Variants in PCDH11X observed in about 807,000 individuals in gnomAD.
PCDH11X encodes the protein protocadherin-11 X-linked.
A neutral mutation model predicts 53.3 loss-of-function variants in PCDH11X; 18 were observed. The observed-to-expected ratio is 0.34, with a 90% CI of 0.23 to 0.50. PCDH11X has a LOEUF of 0.50. Among genes scored for constraint, PCDH11X ranks in the 20% least tolerant of loss-of-function variants. The pLI is 0.98. For missense variants in PCDH11X, 570 were observed against 1,032.4 expected (o/e 0.55, Z 6.14); for synonymous variants, 279 against 393.3 (o/e 0.71, Z 3.44).
intron 8 of PCDH11X, among the ~76,000 whole-genome samples, chrX:92,384,540 C>T (rs1419569112): frequency 9.7e-6 from 1 of 102,621 alleles, no homozygotes; most frequent in Non-Finnish European, 2.0e-5. Flanking sequence ...AATAAGTCTC[C>T]CTGAGCATTT....
At chrX:92,048,628 T>C (rs1407548316) in intron 6 of PCDH11X, among the ~76,000 whole-genome samples, 2 of 111,850 alleles carry the variant, frequency 1.8e-5, no homozygotes, top group African/African-American at 3.3e-5. Flanking sequence ...CACTCTTTGG[T>C]TGAAAGTGCT....
intron 6 of PCDH11X, among the ~76,000 whole-genome samples, chrX:92,124,281 T>C (rs2064822766): frequency 9.0e-6 from 1 of 110,852 alleles, no homozygotes; most frequent in Non-Finnish European, 1.9e-5. Context: ...GTGTGGTGGC[T>C]CACACTTGCA....
chrX:91,817,361 T>C (rs1416178993), intron 4 of PCDH11X, among the ~76,000 whole-genome samples: 1 of 101,606 alleles, frequency 9.8e-6, no homozygotes, highest in Non-Finnish European at 2.0e-5. Flanking sequence ...AAATTTAGAA[T>C]CATAAAATAC....
At chrX:92,462,471 G>A (rs895052242) in intron 9 of PCDH11X, among the ~76,000 whole-genome samples, 2 of 111,178 alleles carry the variant, frequency 1.8e-5, no homozygotes, top group African/African-American at 6.5e-5. Context: ...AACAGATTGA[G>A]TATTAAAAGG....
intron 1 of PCDH11X, among the ~76,000 whole-genome samples, chrX:91,789,093 T>C (rs1384577976): frequency 9.6e-6 from 1 of 103,827 alleles, no homozygotes; most frequent in African/African-American, 3.5e-5. Flanking sequence ...TCCCAGCTAC[T>C]CGGGAGGCTG....
intron 10 of PCDH11X, among the ~76,000 whole-genome samples, chrX:92,579,715 A>G (rs983273837): frequency 1.8e-5 from 2 of 111,595 alleles, no homozygotes; most frequent in African/African-American, 6.5e-5. Context: ...AAATTTCATT[A>G]TTACCTACCT....
chrX:92,371,267 T>A, intron 8 of PCDH11X, among the ~76,000 whole-genome samples: 1 of 103,688 alleles, frequency 9.6e-6, no homozygotes, highest in Middle Eastern at 4.8e-3. Context: ...TTATATTTTT[T>A]AAAAACTCTC....
At chrX:92,127,004 T>C (rs1242711378) in intron 6 of PCDH11X, among the ~76,000 whole-genome samples, 6 of 107,880 alleles carry the variant, frequency 5.6e-5, no homozygotes, top group Non-Finnish European at 1.1e-4. Context: ...TAATCTTTCT[T>C]AATGAGCATA....
chrX:92,540,883 G>T (rs1018612476), intron 10 of PCDH11X, among the ~76,000 whole-genome samples: 1 of 107,871 alleles, frequency 9.3e-6, no homozygotes, highest in African/African-American at 3.4e-5. Context: ...CAACTCTGCC[G>T]GTGCCCTCTA....
At chrX:91,781,367 C>A (rs946663843) in intron 1 of PCDH11X, among the ~76,000 whole-genome samples, 2 of 111,214 alleles carry the variant, frequency 1.8e-5, no homozygotes, top group African/African-American at 6.5e-5. Context: ...GTCGCCTGTG[C>A]GCTCTTAGCG....
chrX:92,008,713 A>ATCT (rs1425851119), intron 6 of PCDH11X, among the ~76,000 whole-genome samples: 1 of 108,179 alleles, frequency 9.2e-6, no homozygotes, highest in Admixed American at 1.0e-4. Context: ...CTATTCTGTC[A>ATCT]TCTTGCCCTG....
intron 9 of PCDH11X, among the ~76,000 whole-genome samples, chrX:92,422,134 C>CT (rs67131959): frequency 0.038 from 3,287 of 86,276 alleles, 146 homozygotes; most frequent in African/African-American, 0.12. Context: ...AATTTCTTTT[C>CT]TTTTTTTTTT....
intron 6 of PCDH11X, among the ~76,000 whole-genome samples, chrX:92,006,114 G>T (rs752606121): frequency 8.2e-5 from 9 of 109,138 alleles, no homozygotes; most frequent in African/African-American, 2.7e-4. Flanking sequence ...CTTTATGTTC[G>T]ATTTCTTTCT....
rs780635189 is a variant in PCDH11X at position 92,281,770 on chromosome X, C to T, written c.3144+18627C>T. Among the ~76,000 whole-genome samples, 119 of 111,409 alleles carry T rather than the reference C, an allele frequency of 1.1e-3. 1 individual carries two copies. The highest frequency in any genetic ancestry group is 3.7e-3 in the African/African-American group (115 of 30,764). On this transcript the variant is annotated intron_variant, in intron 8 of 10. Transcript: ENST00000682573. The stretch of plus-strand genomic sequence containing the variant: ...AACTCATCTAGATTCTGTATAATGG[C>T]TTCATTCTCTTCTTAGACTAATTTG...
At chrX:91,969,032 C>T (rs2061907147) in intron 6 of PCDH11X, among the ~76,000 whole-genome samples, 1 of 110,761 alleles carries the variant, frequency 9.0e-6, no homozygotes, top group African/African-American at 3.3e-5. Flanking sequence ...TTTTCTTTCC[C>T]AGCTCTTTTC....
intron 6 of PCDH11X, among the ~76,000 whole-genome samples, chrX:92,022,089 A>G (rs985195196): frequency 9.3e-6 from 1 of 107,378 alleles, no homozygotes; most frequent in African/African-American, 3.4e-5. Context: ...AAGACCAATG[A>G]CACTATGAAG....
intron 8 of PCDH11X, among the ~76,000 whole-genome samples, chrX:92,335,628 T>C (rs2069598060): frequency 9.0e-6 from 1 of 110,817 alleles, no homozygotes; most frequent in Non-Finnish European, 1.9e-5. Context: ...ACTTCATCTG[T>C]TAATGGAGCA....
intron 10 of PCDH11X, among the ~76,000 whole-genome samples, chrX:92,518,959 G>C (rs112347781): frequency 9.3e-6 from 1 of 107,123 alleles, no homozygotes; most frequent in Non-Finnish European, 1.9e-5. Flanking sequence ...GGGATTCACC[G>C]TGTTAGCCAG....
chrX:92,370,562 C>T (rs756442411), intron 8 of PCDH11X, among the ~76,000 whole-genome samples: 184 of 106,787 alleles, frequency 1.7e-3, no homozygotes, highest in African/African-American at 5.9e-3. Context: ...CAGGTTCAAG[C>T]GATTCTCCTG....
Sources: allele counts gnomAD v4.1 joint callset (sites outside exome capture counted in the v4.1 genomes callset), GRCh38; gene constraint gnomAD v4.1.1; transcripts MANE v1.5; gene names NCBI Gene and HGNC (gene_info 2026-07-23, HGNC 2026-07-21).